CDON: variants seen among roughly 807,000 people sequenced by gnomAD.
CDON encodes cell adhesion associated, oncogene regulated.
A neutral mutation model predicts 120.9 loss-of-function variants in CDON; 73 were observed. The ratio of observed to expected loss-of-function variants is 0.60; its 90% CI spans 0.50 to 0.73. The LOEUF (loss-of-function observed/expected upper bound fraction) is 0.73. Ranked by LOEUF, CDON falls within the 30% of genes least tolerant of loss-of-function variation. CDON has a pLI of 0.00. For missense variants in CDON, 1,470 were observed against 1,587.3 expected (o/e 0.93, Z 1.26); for synonymous variants, 566 against 573.5 (o/e 0.99, Z 0.19).
chr11:126,031,410 TAAAGA>T (rs1947940578), intron 1 of CDON, among the ~76,000 whole-genome samples: 1 of 152,208 alleles, frequency 6.6e-6, no homozygotes, highest in Non-Finnish European at 1.5e-5. Flanking sequence ...AATCAGAAAC[TAAAGA>T]AAACACTCTA....
At chr11:126,008,892 G>T (rs1486790338) in intron 8 of CDON, among the ~76,000 whole-genome samples, 1 of 152,160 alleles carries the variant, frequency 6.6e-6, no homozygotes, top group East Asian at 1.9e-4. Flanking sequence ...AGAGATCACT[G>T]TAATTTAATA....
At chr11:125,998,281 T>C (rs1946845103) in intron 11 of CDON, among the ~76,000 whole-genome samples, 2 of 152,172 alleles carry the variant, frequency 1.3e-5, no homozygotes, top group African/African-American at 4.8e-5. Flanking sequence ...TGTTGAAAAG[T>C]GATCCCCAAT....
rs1259926307 is a variant in CDON, at chr11:125,975,961, A to G, written c.3356+2343T>C. On this transcript the variant is annotated intron_variant, in intron 18 of 19. Coordinates refer to ENST00000531738, the MANE Select transcript of CDON (RefSeq NM_001378964.1). ...ATGAGGCCCACTTGATAGCCCTCAT[A>G]TAACTTAACTGAAATCACGCTTCTT... Among the ~76,000 whole-genome samples the G allele has an allele frequency of 2.6e-5, 4 of 152,222 alleles. No homozygotes were observed. The South Asian group carries it at 8.3e-4, about 32-fold the overall frequency.
Position 126,015,444 on chromosome 11 carries a change from G to A in CDON, c.995C>T (p.Thr332Ile), listed in dbSNP as rs200256793. The change falls in exon 7 of 20, where the codon ACC becomes ATC. Residue 332 changes from threonine (T) to isoleucine (I), a missense_variant. Coordinates refer to ENST00000531738, the MANE Select transcript of CDON (RefSeq NM_001378964.1). ...GGCTGGGTTCCCATGAACGTCGCAG[G>A]TAAAGTGTACTGTGGCACCCAGAGA... ...IVSLGATVHF[T>I]CDVHGNPAPN... The A allele has an allele frequency of 1.2e-6, 2 of 1,614,028 alleles. No individual in the cohort carries two copies. Among genetic ancestry groups the A allele is most frequent in the East Asian group, 2.2e-5 (1 of 44,856 alleles).
At chr11:126,037,987 G>A (rs1948147576) in intron 1 of CDON, among the ~76,000 whole-genome samples, 2 of 152,044 alleles carry the variant, frequency 1.3e-5, no homozygotes, top group South Asian at 4.2e-4. Context: ...AGAGGAAAGG[G>A]GGAAAAAACA....
At chr11:125,962,998 A>G (rs1253069475) in intron 18 of CDON, among the ~76,000 whole-genome samples, 1 of 151,760 alleles carries the variant, frequency 6.6e-6, no homozygotes, top group Non-Finnish European at 1.5e-5. Context: ...CTGTTTCTTC[A>G]CATATATAAT....
At chr11:126,039,731 T>C (rs765322376) in intron 1 of CDON, among the ~76,000 whole-genome samples, 3 of 152,120 alleles carry the variant, frequency 2.0e-5, no homozygotes, top group Non-Finnish European at 2.9e-5. Flanking sequence ...TTATCACTCT[T>C]CTCAGCAGTG....
chr11:126,049,715 C>A (rs1233706702), intron 1 of CDON, among the ~76,000 whole-genome samples: 1 of 152,164 alleles, frequency 6.6e-6, no homozygotes, highest in Non-Finnish European at 1.5e-5. Context: ...CTTAAAACTG[C>A]AAAGCCTGAA....
chr11:126,017,232 T>C lies in CDON; in HGVS notation c.784A>G (p.Ile262Val), dbSNP rs767409841. 9.3e-6 allele frequency: 15 copies of C among 1,614,020 alleles called. No homozygotes were observed. Among genetic ancestry groups the C allele is most frequent in the East Asian group, 2.2e-5 (1 of 44,886 alleles). Residue 262 changes from isoleucine (I) to valine (V), a missense_variant, in exon 6 of 20, where the codon ATT becomes GTT. By Grantham distance (29) the Ile-to-Val change is conservative. Coordinates refer to ENST00000531738, the MANE Select transcript of CDON (RefSeq NM_001378964.1). ...QVYWLKDGQD[I>V]APGSNWRRLY... ...CTTCTCCAGTTGCTTCCTGGTGCAA[T>C]GTCCTGCCCGTCCTTTAGCCAATAC...
rs188851437 is a variant in CDON, at chr11:126,035,374, G to A, written c.-61-11837C>T. On this transcript the variant is annotated intron_variant, in intron 1 of 19. Transcript: ENST00000531738. ...TTACCGTCAAGTTACGAGTTTCCTAGAGACCTAGAACATATTAATACTAGT... is the reference window on the plus strand; with the variant it reads ...TTACCGTCAAGTTACGAGTTTCCTAAAGACCTAGAACATATTAATACTAGT... Among the ~76,000 whole-genome samples, 35 of 152,268 alleles carry A rather than the reference G, an allele frequency of 2.3e-4. No homozygotes were observed. The East Asian group carries it at 5.2e-3, about 23-fold the overall frequency.
At chr11:125,961,664 C>A in intron 19 of CDON, 60 bp downstream of exon 19, 1 of 1,610,866 alleles carries the variant, frequency 6.2e-7, no homozygotes. Flanking sequence ...CCTTCCCATA[C>A]ACAGCTCTTA....
At chr11:126,005,103 C>A (rs1947072852) in intron 9 of CDON, among the ~76,000 whole-genome samples, 2 of 152,064 alleles carry the variant, frequency 1.3e-5, no homozygotes, top group Admixed American at 1.3e-4. Flanking sequence ...AGTTCAAGAC[C>A]AGTCTGGCTA....
chr11:125,990,511 T>C (rs1486943042), intron 14 of CDON, among the ~76,000 whole-genome samples: 1 of 152,170 alleles, frequency 6.6e-6, no homozygotes, highest in Non-Finnish European at 1.5e-5. Context: ...TGTGACAATC[T>C]TTCATAAGCA....
chr11:125,974,286 T>C (rs1591553292), intron 18 of CDON, among the ~76,000 whole-genome samples: 1 of 151,284 alleles, frequency 6.6e-6, no homozygotes, highest in South Asian at 2.1e-4. Flanking sequence ...CTCACTGCCA[T>C]ATCCCCAGTA....
chr11:125,981,373 C>A, intron 16 of CDON, 44 bp from the exon 17 acceptor site: 1 of 1,529,312 alleles, frequency 6.5e-7, no homozygotes, highest in Middle Eastern at 1.8e-4. Context: ...CACACACACA[C>A]GCACGCACAC....
At chr11:125,990,593 G>C (rs1013174511) in intron 14 of CDON, among the ~76,000 whole-genome samples, 1 of 152,098 alleles carries the variant, frequency 6.6e-6, no homozygotes, top group Admixed American at 6.6e-5. Context: ...TCTTCAGACT[G>C]TCTCCACTGT....
At chr11:126,039,740 T>G (rs79931980) in intron 1 of CDON, among the ~76,000 whole-genome samples, 28,746 of 152,094 alleles carry the variant, frequency 0.19, 3,735 homozygotes, top group Non-Finnish European at 0.27. Flanking sequence ...TTCTCAGCAG[T>G]GACAGGTTTC....
intron 15 of CDON, among the ~76,000 whole-genome samples, chr11:125,984,696 CAAA>C (rs11306066): frequency 2.4e-4 from 28 of 115,368 alleles, no homozygotes; most frequent in East Asian, 2.6e-4. Flanking sequence ...GATTCTGTCT[CAAA>C]AAAAAAAAAA....
At position 126,020,000 on chromosome 11, in the gene CDON, A is replaced by ATT. The variant is rs763822254; in HGVS notation, c.350-236_350-235insAA. On this transcript the variant is annotated intron_variant, in intron 3 of 19. Transcript: ENST00000531738. ...AGGTTCAGGCTGTGATGAGCCAAGC[A>ATT]GTGGAGAGCCACTGCACTCCAGCCT... Among the ~76,000 whole-genome samples the ATT allele has an allele frequency of 0.1, 15,753 of 151,812 alleles. 851 individuals are homozygous for ATT. The highest frequency in any genetic ancestry group is 0.13 in the Admixed American group (1,922 of 15,262).
Sources: allele counts gnomAD v4.1 joint callset (sites outside exome capture counted in the v4.1 genomes callset), GRCh38; gene constraint gnomAD v4.1.1; transcripts MANE v1.5; gene names NCBI Gene and HGNC (gene_info 2026-07-23, HGNC 2026-07-21).